Variants in PHACTR3 observed in about 807,000 individuals in gnomAD.
The protein encoded by PHACTR3 is protein phosphatase 1, regulatory subunit 123.
A neutral mutation model predicts 66.8 loss-of-function variants in PHACTR3; 16 were observed. That is an observed-to-expected ratio of 0.24 (90% CI 0.16 to 0.36). PHACTR3 has a LOEUF of 0.36. PHACTR3 is among the 10% of genes least tolerant of loss of function. The pLI, the probability that PHACTR3 is intolerant of heterozygous loss-of-function variation, is 1.00. For synonymous variants in PHACTR3, 323 were observed against 292.1 expected (o/e 1.11, Z -1.08); for missense variants, 647 against 719.9 (o/e 0.90, Z 1.16).
intron 1 of PHACTR3, among the ~76,000 whole-genome samples, chr20:59,639,301 C>T (rs1391434850): frequency 1.3e-5 from 2 of 152,082 alleles, no homozygotes; most frequent in African/African-American, 2.4e-5. Context: ...TCTGCACAGC[C>T]CCCAATTTGC....
At chr20:59,735,089 C>T (rs1437641137) in intron 1 of PHACTR3, among the ~76,000 whole-genome samples, 3 of 152,102 alleles carry the variant, frequency 2.0e-5, no homozygotes, top group Admixed American at 1.3e-4. Flanking sequence ...ATGGTCTCCA[C>T]GTATTGGTGT....
chr20:59,777,478 A>G (rs1057445632), intron 7 of PHACTR3, among the ~76,000 whole-genome samples: 1 of 152,140 alleles, frequency 6.6e-6, no homozygotes, highest in Non-Finnish European at 1.5e-5. Context: ...GGGCCGGTCC[A>G]TGGCCTCCAA....
intron 4 of PHACTR3, 115 bp from the exon 5 acceptor site, chr20:59,767,071 C>A: frequency 1.0e-6 from 1 of 977,832 alleles, no homozygotes; most frequent in Non-Finnish European, 1.6e-6. Context: ...TGTGAGGTCA[C>A]TGCTCTGTAT....
chr20:59,635,166 TTTC>T (rs2034835041), intron 1 of PHACTR3, among the ~76,000 whole-genome samples: 2 of 46,190 alleles, frequency 4.3e-5, no homozygotes, highest in African/African-American at 1.9e-4. Flanking sequence ...TCTTTCTTTC[TTTC>T]CTTTCTTTCT....
chr20:59,581,830 G>A (rs1185340025), intron 1 of PHACTR3, among the ~76,000 whole-genome samples: 2 of 150,536 alleles, frequency 1.3e-5, no homozygotes, highest in African/African-American at 2.5e-5. Flanking sequence ...GCAGTGAGAC[G>A]ACATTGCTCC....
At chr20:59,844,945 T>C (rs747300357) in intron 11 of PHACTR3, 12 of 351,912 alleles carry the variant, frequency 3.4e-5, no homozygotes, top group Non-Finnish European at 5.9e-5. Context: ...TGTATATATG[T>C]ACAAATATTA....
intron 1 of PHACTR3, among the ~76,000 whole-genome samples, chr20:59,709,619 T>C (rs1207236398): frequency 1.3e-5 from 2 of 152,230 alleles, no homozygotes; most frequent in African/African-American, 2.4e-5. Context: ...ACCTTCATCT[T>C]AGGAAGGGCA....
Position 59,702,972 on chromosome 20 carries a change from CA to C in PHACTR3, c.119-40133del, listed in dbSNP as rs565194574. Among the ~76,000 whole-genome samples, 35 of 152,296 alleles carry C rather than the reference CA, an allele frequency of 2.3e-4. No individual in the cohort carries two copies. In the East Asian group the frequency reaches 5.4e-3, roughly 23 times the overall value. On this transcript the variant is annotated intron_variant, in intron 1 of 12. Transcript: ENST00000371015. Reference sequence around the variant, plus strand: ...GCTGACAGTGATGTATCATTCTAAACAAGCGTGTTGTTGCAAGAATCCATTT... The same window carrying C: ...GCTGACAGTGATGTATCATTCTAAACAGCGTGTTGTTGCAAGAATCCATTT...
At chr20:59,840,348 T>TC in intron 9 of PHACTR3, 21 bp from the exon 10 acceptor site, 1 of 1,597,624 alleles carries the variant, frequency 6.3e-7, no homozygotes, top group Non-Finnish European at 8.5e-7. Context: ...ATTTTTTTTT[T>TC]CCTATTTTAA....
chr20:59,683,981 A>G (rs534601932), intron 1 of PHACTR3, among the ~76,000 whole-genome samples: 1 of 152,336 alleles, frequency 6.6e-6, no homozygotes, highest in South Asian at 2.1e-4. Flanking sequence ...GGCAAACTGC[A>G]ATTTGCAAGA....
intron 1 of PHACTR3, among the ~76,000 whole-genome samples, chr20:59,664,399 C>T (rs181165268): frequency 9.9e-5 from 15 of 152,270 alleles, no homozygotes; most frequent in African/African-American, 3.6e-4. Context: ...ACAGTCCTGC[C>T]TGCCACCGCC....
intron 1 of PHACTR3, among the ~76,000 whole-genome samples, chr20:59,724,089 C>T (rs766825903): frequency 1.3e-4 from 20 of 152,172 alleles, no homozygotes; most frequent in Non-Finnish European, 2.4e-4. Context: ...GGCCATAGTG[C>T]CAACACATCC....
intron 1 of PHACTR3, among the ~76,000 whole-genome samples, chr20:59,717,295 TTGTAAATG>T (rs927409975): frequency 6.6e-5 from 10 of 152,194 alleles, no homozygotes; most frequent in African/African-American, 2.4e-4. Context: ...ATTGAGATAA[TTGTAAATG>T]TGCATGCAGC....
chr20:59,737,535 C>T (rs1014741578), intron 1 of PHACTR3, among the ~76,000 whole-genome samples: 13 of 151,466 alleles, frequency 8.6e-5, no homozygotes, highest in Non-Finnish European at 1.5e-4. Context: ...TATGTGTGTG[C>T]GTGCATGTGC....
intron 3 of PHACTR3, among the ~76,000 whole-genome samples, chr20:59,748,536 G>A (rs1298327437): frequency 2.0e-5 from 3 of 152,164 alleles, no homozygotes; most frequent in Non-Finnish European, 2.9e-5. Context: ...TATCACTCAT[G>A]CAATTAACTG....
intron 1 of PHACTR3, among the ~76,000 whole-genome samples, chr20:59,716,639 C>T (rs1185647785): frequency 6.6e-6 from 1 of 152,140 alleles, no homozygotes; most frequent in African/African-American, 2.4e-5. Context: ...ATTCTCCAGT[C>T]CCCTAAGCTC....
At chr20:59,582,554 A>G (rs1234831194) in intron 1 of PHACTR3, among the ~76,000 whole-genome samples, 1 of 152,214 alleles carries the variant, frequency 6.6e-6, no homozygotes, top group Non-Finnish European at 1.5e-5. Flanking sequence ...TCCCAACAGC[A>G]GTGTCGGAGG....
At chr20:59,760,105 C>G (rs199711426) in intron 4 of PHACTR3, among the ~76,000 whole-genome samples, 253 of 152,248 alleles carry the variant, frequency 1.7e-3, no homozygotes, top group African/African-American at 5.8e-3. Context: ...AAGGGGCTGT[C>G]CTGGGTCACT....
intron 1 of PHACTR3, among the ~76,000 whole-genome samples, chr20:59,623,755 G>C (rs577322918): frequency 6.6e-6 from 1 of 152,246 alleles, no homozygotes; most frequent in Non-Finnish European, 1.5e-5. Flanking sequence ...GAGGGGCACC[G>C]TGTGAGCATG....
Sources: allele counts gnomAD v4.1 joint callset (sites outside exome capture counted in the v4.1 genomes callset), GRCh38; gene constraint gnomAD v4.1.1; transcripts MANE v1.5; gene names NCBI Gene and HGNC (gene_info 2026-07-23, HGNC 2026-07-21).